The following SLC4A10 variants were observed in gnomAD, a reference collection of about 807,000 sequenced individuals.
SLC4A10 encodes sodium-driven chloride bicarbonate exchanger.
SLC4A10 carries 42 observed loss-of-function variants against 137.7 expected under a neutral mutation model. The ratio of observed to expected loss-of-function variants is 0.30; its 90% CI spans 0.24 to 0.39. The LOEUF is 0.39. SLC4A10 is among the 10% of genes least tolerant of loss of function. The pLI is 1.00. For synonymous variants in SLC4A10, 474 were observed against 464.1 expected (o/e 1.02, Z -0.27); for missense variants, 925 against 1,355.0 (o/e 0.68, Z 4.98).
intron 15 of SLC4A10, among the ~76,000 whole-genome samples, chr2:161,906,837 G>A (rs1288540160): frequency 3.9e-5 from 6 of 152,070 alleles, no homozygotes; most frequent in East Asian, 1.9e-4. Context: ...GGCGGATCAC[G>A]AGGTCAGGAG....
At chr2:161,864,825 A>G (rs2060641970) in intron 6 of SLC4A10, among the ~76,000 whole-genome samples, 1 of 152,084 alleles carries the variant, frequency 6.6e-6, no homozygotes, top group South Asian at 2.1e-4. Flanking sequence ...ATTCTAAGAG[A>G]TGTATTACAA....
At chr2:161,793,249 A>G (rs2054400585) in intron 2 of SLC4A10, among the ~76,000 whole-genome samples, 1 of 152,196 alleles carries the variant, frequency 6.6e-6, no homozygotes, top group South Asian at 2.1e-4. Context: ...ATAACTAAAT[A>G]TAGCTAATTA....
chr2:161,897,858 T>A (rs577968881), intron 11 of SLC4A10, among the ~76,000 whole-genome samples: 2 of 152,270 alleles, frequency 1.3e-5, no homozygotes, highest in East Asian at 3.9e-4. Context: ...AAAATATTAA[T>A]ACATTCAGAA....
intron 1 of SLC4A10, among the ~76,000 whole-genome samples, chr2:161,691,435 T>C (rs2041991242): frequency 6.6e-6 from 1 of 151,996 alleles, no homozygotes; most frequent in Non-Finnish European, 1.5e-5. Context: ...GTCAAAATAA[T>C]TTAAATCCTT....
rs190862361 is a variant in SLC4A10, at chr2:161,790,870, T to G, written c.131-13579T>G. On this transcript the variant is annotated intron_variant, in intron 2 of 26. Coordinates refer to ENST00000446997, the MANE Select transcript of SLC4A10 (RefSeq NM_001178015.2). ...TGCGGCTGACATAGGAAAAAAAAGC[T>G]CAACATCACTAATCATTAGAGAAAT... Among the ~76,000 whole-genome samples the G allele has an allele frequency of 9.9e-3, 1,506 of 152,156 alleles. 20 individuals are homozygous for G. Among genetic ancestry groups the G allele is most frequent in the Non-Finnish European group, 0.011 (774 of 68,000 alleles).
intron 15 of SLC4A10, among the ~76,000 whole-genome samples, chr2:161,928,126 T>C (rs1251639576): frequency 2.7e-5 from 4 of 150,524 alleles, no homozygotes; most frequent in Non-Finnish European, 5.9e-5. Context: ...CCAACCCAAA[T>C]GTCCAACAGT....
chr2:161,828,809 T>TATATAC (rs2058223321), intron 3 of SLC4A10, among the ~76,000 whole-genome samples: 1 of 123,644 alleles, frequency 8.1e-6, no homozygotes, highest in Non-Finnish European at 1.7e-5. Context: ...TATATATATA[T>TATATAC]GTATAATCTA....
chr2:161,849,873 C>A (rs1351527114), intron 4 of SLC4A10, among the ~76,000 whole-genome samples: 1 of 151,968 alleles, frequency 6.6e-6, no homozygotes, highest in Non-Finnish European at 1.5e-5. Flanking sequence ...TGTTGTGAAT[C>A]TGCCTGGTTT....
chr2:161,860,292 A>C (rs1194976361), intron 5 of SLC4A10, among the ~76,000 whole-genome samples: 2 of 152,150 alleles, frequency 1.3e-5, no homozygotes, highest in East Asian at 3.9e-4. Flanking sequence ...CTTATCTTTG[A>C]AAAACTGTGA....
At chr2:161,744,310 C>T (rs768553081) in intron 1 of SLC4A10, among the ~76,000 whole-genome samples, 4 of 151,826 alleles carry the variant, frequency 2.6e-5, no homozygotes, top group Non-Finnish European at 5.9e-5. Context: ...TCCTTCTATA[C>T]CCAGGTTTTT....
chr2:161,970,740 C>T (rs1376829934), intron 23 of SLC4A10, among the ~76,000 whole-genome samples: 2 of 152,156 alleles, frequency 1.3e-5, no homozygotes, highest in African/African-American at 4.8e-5. Flanking sequence ...GGATAACTAT[C>T]TTTGTTATTT....
intron 2 of SLC4A10, among the ~76,000 whole-genome samples, chr2:161,776,856 GGTGTGTGTGTGTGTGTGT>G (rs71009340): frequency 7.0e-6 from 1 of 143,132 alleles, no homozygotes; most frequent in Non-Finnish European, 1.5e-5. Flanking sequence ...CTTATTTTCT[GGTGTGTGTGTGTGTGTGT>G]GTGTGTGTGT....
intron 1 of SLC4A10, among the ~76,000 whole-genome samples, chr2:161,726,640 G>A (rs750561355): frequency 1.3e-5 from 2 of 152,196 alleles, no homozygotes; most frequent in Non-Finnish European, 2.9e-5. Flanking sequence ...CGGGTGCGGT[G>A]GCTCACACCT....
intron 1 of SLC4A10, among the ~76,000 whole-genome samples, chr2:161,720,401 C>T (rs1393323903): frequency 6.6e-6 from 1 of 152,082 alleles, no homozygotes; most frequent in Non-Finnish European, 1.5e-5. Context: ...TCCATATGAA[C>T]TTTAAAGTAG....
At chr2:161,979,672 G>A (rs1360790727) in intron 26 of SLC4A10, among the ~76,000 whole-genome samples, 1 of 152,110 alleles carries the variant, frequency 6.6e-6, no homozygotes, top group Non-Finnish European at 1.5e-5. Context: ...ATCTGTTAAA[G>A]GCTTTAAAGC....
chr2:161,821,259 C>G (rs1307388106), intron 3 of SLC4A10, among the ~76,000 whole-genome samples: 2 of 152,136 alleles, frequency 1.3e-5, no homozygotes, highest in African/African-American at 4.8e-5. Flanking sequence ...GCTACAGATT[C>G]CAGCAGAGTC....
At chr2:161,735,299 A>T (rs1454937591) in intron 1 of SLC4A10, among the ~76,000 whole-genome samples, 1 of 151,530 alleles carries the variant, frequency 6.6e-6, no homozygotes, top group African/African-American at 2.4e-5. Context: ...AAGACATATT[A>T]AAAAATTCTT....
intron 1 of SLC4A10, among the ~76,000 whole-genome samples, chr2:161,683,466 C>T (rs747605878): frequency 6.6e-5 from 10 of 151,974 alleles, no homozygotes; most frequent in East Asian, 1.9e-4. Context: ...GAGTAGTGGA[C>T]GGTTGTATTA....
At chr2:161,913,741 A>G (rs1261717408) in intron 15 of SLC4A10, among the ~76,000 whole-genome samples, 4 of 152,188 alleles carry the variant, frequency 2.6e-5, no homozygotes, top group African/African-American at 9.7e-5. Flanking sequence ...GCTTTTTCGA[A>G]GTAGATGGTG....
Sources: allele counts gnomAD v4.1 joint callset (sites outside exome capture counted in the v4.1 genomes callset), GRCh38; gene constraint gnomAD v4.1.1; transcripts MANE v1.5; gene names NCBI Gene and HGNC (gene_info 2026-07-23, HGNC 2026-07-21).